HTR2C: variants seen among roughly 807,000 people sequenced by gnomAD.
HTR2C encodes 5-hydroxytryptamine (serotonin) receptor 2C, G protein-coupled.
In HTR2C, 5 loss-of-function variants were observed where a neutral mutation model predicts 21.0. The ratio of observed to expected loss-of-function variants is 0.24; its 90% confidence interval spans 0.12 to 0.50. HTR2C has a LOEUF of 0.50. HTR2C is among the 20% of genes least tolerant of loss of function. HTR2C has a pLI of 0.98. For missense variants in HTR2C, 271 were observed against 371.2 expected (o/e 0.73, Z 2.22); for synonymous variants, 150 against 145.3 (o/e 1.03, Z -0.23).
chrX:114,601,500 TTTGAGCCAGG>T (rs1928089505), intron 1 of HTR2C, among the ~76,000 whole-genome samples: 1 of 107,783 alleles, frequency 9.3e-6, no homozygotes, highest in African/African-American at 3.4e-5. Flanking sequence ...GGGGGTGCTT[TTTGAGCCAGG>T]ATGAGCCAGG....
At chrX:114,618,948 T>C (rs1602641051) in intron 2 of HTR2C, among the ~76,000 whole-genome samples, 1 of 111,482 alleles carries the variant, frequency 9.0e-6, no homozygotes, top group Non-Finnish European at 1.9e-5. Flanking sequence ...ATAATGAAGA[T>C]ACTATTAAAA....
chrX:114,585,647 G>A (rs1927360153), intron 1 of HTR2C, among the ~76,000 whole-genome samples: 1 of 111,420 alleles, frequency 9.0e-6, no homozygotes, highest in Non-Finnish European at 1.9e-5. Context: ...GACTTGAGGT[G>A]ACAAACACTT....
At chrX:114,795,062 T>C (rs12007779) in intron 4 of HTR2C, among the ~76,000 whole-genome samples, 10,322 of 109,236 alleles carry the variant, frequency 0.094, 539 homozygotes, top group Middle Eastern at 0.16. Flanking sequence ...TTTTAATGAT[T>C]GCCATTCTAA....
At chrX:114,591,361 T>C (rs1390835459) in intron 1 of HTR2C, among the ~76,000 whole-genome samples, 1 of 112,063 alleles carries the variant, frequency 8.9e-6, no homozygotes, top group Non-Finnish European at 1.9e-5. Context: ...AATAGATTTA[T>C]TTATTTAGTC....
At chrX:114,614,121 C>T (rs1436276602) in intron 2 of HTR2C, among the ~76,000 whole-genome samples, 14 of 109,768 alleles carry the variant, frequency 1.3e-4, no homozygotes, top group African/African-American at 4.3e-4. Flanking sequence ...GTGATGCAGA[C>T]CCCTTACCGA....
intron 4 of HTR2C, among the ~76,000 whole-genome samples, chrX:114,787,871 C>T (rs1474141266): frequency 4.7e-5 from 5 of 105,587 alleles, no homozygotes; most frequent in African/African-American, 1.0e-4. Context: ...GGCGTGAACC[C>T]GGGAGGCAGA....
rs182717978 is a variant in HTR2C, at chrX:114,661,311, G to A, written c.-80+47430G>A. 7.2e-5 allele frequency among the ~76,000 whole-genome samples: 8 copies of A among 110,478 alleles called. No individual in the cohort carries two copies. The Admixed American group carries it at 7.7e-4, about 11-fold the overall frequency. ...CTACTAAAAATACCGCCGTGGTGGT[G>A]GGCGCCTCTAGTCCCAGCTACTCGG... On this transcript the variant is annotated intron_variant, in intron 2 of 5. Transcript: ENST00000276198.
At position 114,835,376 on chromosome X, in the gene HTR2C, C is replaced by T. The variant is rs1298333218; in HGVS notation, c.350-12627C>T. 1.5e-4 allele frequency among the ~76,000 whole-genome samples: 16 copies of T among 108,237 alleles called. No homozygotes were observed. In the Admixed American group the frequency reaches 1.6e-3, roughly 11 times the overall value. The allele number at this position is 108,237 out of a possible 115,157, so 94.0% of individuals were successfully genotyped here. ...CCTAGATTTGGTCTTTTCACATAGT[C>T]CCATATTTCTTGGAGGCTTTTTTGG... On this transcript the variant is annotated intron_variant, in intron 4 of 5. Transcript: ENST00000276198.
intron 2 of HTR2C, among the ~76,000 whole-genome samples, chrX:114,629,740 G>A (rs112617760): frequency 0.013 from 1,417 of 111,262 alleles, 6 homozygotes; most frequent in Non-Finnish European, 0.02. Flanking sequence ...CATACACCAA[G>A]GGTTATAATT....
intron 4 of HTR2C, among the ~76,000 whole-genome samples, chrX:114,789,336 C>T (rs939146773): frequency 1.8e-5 from 2 of 111,738 alleles, no homozygotes; most frequent in Non-Finnish European, 3.8e-5. Context: ...TCATACTTTA[C>T]ACTTACAAGG....
chrX:114,791,027 G>A (rs1258841899), intron 4 of HTR2C, among the ~76,000 whole-genome samples: 1 of 111,403 alleles, frequency 9.0e-6, no homozygotes, highest in Non-Finnish European at 1.9e-5. Context: ...CAAACAAAAT[G>A]TTTCATATAT....
At chrX:114,857,188 C>T (rs902670823) in intron 5 of HTR2C, among the ~76,000 whole-genome samples, 15 of 110,757 alleles carry the variant, frequency 1.4e-4, no homozygotes, top group Admixed American at 1.9e-4. Context: ...GCTTTATCCC[C>T]GTTCTTCCCC....
At chrX:114,781,412 G>A (rs781822695) in intron 4 of HTR2C, among the ~76,000 whole-genome samples, 1 of 110,949 alleles carries the variant, frequency 9.0e-6, no homozygotes, top group African/African-American at 3.3e-5. Context: ...GGGAGGATCC[G>A]TTCAGCCCAG....
intron 2 of HTR2C, among the ~76,000 whole-genome samples, chrX:114,670,794 T>C (rs1437794454): frequency 8.9e-6 from 1 of 112,509 alleles, no homozygotes; most frequent in African/African-American, 3.2e-5. Flanking sequence ...TATCACGAGT[T>C]AGCCATGTGT....
chrX:114,619,574 G>C (rs994808291), intron 2 of HTR2C, among the ~76,000 whole-genome samples: 17 of 110,691 alleles, frequency 1.5e-4, no homozygotes, highest in Non-Finnish European at 2.5e-4. Context: ...CTTCTGTTGT[G>C]AATACTACCT....
At chrX:114,699,620 G>A (rs1036475534) in intron 2 of HTR2C, among the ~76,000 whole-genome samples, 1 of 111,736 alleles carries the variant, frequency 8.9e-6, no homozygotes, top group African/African-American at 3.3e-5. Context: ...TATTTTGTTA[G>A]AGACCTTGCT....
chrX:114,607,027 C>T (rs1928483533), intron 1 of HTR2C, among the ~76,000 whole-genome samples: 1 of 107,984 alleles, frequency 9.3e-6, no homozygotes, highest in Admixed American at 9.7e-5. Flanking sequence ...GCTTTTGAGC[C>T]AGGATGATCC....
intron 4 of HTR2C, chrX:114,775,314 A>G (rs2070045752): frequency 5.7e-6 from 3 of 530,714 alleles, no homozygotes; most frequent in Non-Finnish European, 1.0e-5. Flanking sequence ...GACATTGAGG[A>G]TGCCATTGGC....
At chrX:114,605,372 G>C (rs1452010703) in intron 1 of HTR2C, among the ~76,000 whole-genome samples, 1 of 110,025 alleles carries the variant, frequency 9.1e-6, no homozygotes, top group Non-Finnish European at 1.9e-5. Flanking sequence ...GGGAGGAAGG[G>C]AGAGGTCAGA....
Sources: gnomAD v4.1 joint callset for allele counts (sites outside exome capture counted in the v4.1 genomes callset) on GRCh38, gnomAD v4.1.1 for gene constraint, MANE v1.5 for transcripts, NCBI Gene and HGNC (gene_info 2026-07-23, HGNC 2026-07-21) for gene names.